ZNF385D: variants seen among roughly 807,000 people sequenced by gnomAD.
The protein encoded by ZNF385D is zinc finger protein 385D.
A neutral mutation model predicts 35.8 loss-of-function variants in ZNF385D; 15 were observed. That is an observed-to-expected ratio of 0.42 (90% CI 0.28 to 0.64). The LOEUF (loss-of-function observed/expected upper bound fraction) is 0.64, where lower values mean the gene tolerates loss of function less well. ZNF385D is among the 30% of genes least tolerant of loss of function. The pLI is 0.23. For synonymous variants in ZNF385D, 212 were observed against 186.8 expected, an observed-to-expected ratio of 1.13 and a Z score of -1.10; for missense variants, 474 against 494.6, an observed-to-expected ratio of 0.96 and a Z score of 0.39.
chr3:22,012,135 T>TA (rs1273885190), intron 3 of ZNF385D, among the ~76,000 whole-genome samples: 20 of 152,166 alleles, frequency 1.3e-4, no homozygotes, highest in African/African-American at 4.8e-4. Flanking sequence ...AATTAGTAAT[T>TA]AGAGTTTTCA....
At chr3:22,192,958 G>C (rs1240148346) in intron 2 of ZNF385D, among the ~76,000 whole-genome samples, 1 of 152,054 alleles carries the variant, frequency 6.6e-6, no homozygotes, top group Non-Finnish European at 1.5e-5. Context: ...AAATAAAACT[G>C]GGTTTTTGAC....
chr3:22,047,833 A>G (rs1699097029), intron 3 of ZNF385D, among the ~76,000 whole-genome samples: 1 of 152,156 alleles, frequency 6.6e-6, no homozygotes, highest in Non-Finnish European at 1.5e-5. Context: ...ACTGTTTTCC[A>G]TAATGGCTGT....
chr3:21,896,820 C>CTTT (rs11410914), intron 3 of ZNF385D, among the ~76,000 whole-genome samples: 1 of 146,976 alleles, frequency 6.8e-6, no homozygotes, highest in Non-Finnish European at 1.5e-5. Flanking sequence ...GTTCTTAATA[C>CTTT]TTTTTTTTTT....
chr3:22,248,516 C>G (rs1264093975), intron 2 of ZNF385D, among the ~76,000 whole-genome samples: 2 of 152,010 alleles, frequency 1.3e-5, no homozygotes, highest in African/African-American at 2.4e-5. Flanking sequence ...TAGACAAAGT[C>G]CATTATGGAG....
chr3:22,049,002 A>G (rs1214253289), intron 3 of ZNF385D, among the ~76,000 whole-genome samples: 2 of 152,066 alleles, frequency 1.3e-5, no homozygotes, highest in Non-Finnish European at 2.9e-5. Context: ...AGTGTATAGA[A>G]ATGCTGTTAA....
intron 3 of ZNF385D, among the ~76,000 whole-genome samples, chr3:21,930,789 C>T (rs1700968001): frequency 6.6e-6 from 1 of 152,044 alleles, no homozygotes; most frequent in African/African-American, 2.4e-5. Context: ...AATTTAGATC[C>T]TTATCTCACA....
At chr3:21,470,813 G>C (rs1703835200) in intron 4 of ZNF385D, among the ~76,000 whole-genome samples, 1 of 151,986 alleles carries the variant, frequency 6.6e-6, no homozygotes, top group Non-Finnish European at 1.5e-5. Flanking sequence ...AGTGTAATTG[G>C]TTTTGAATGA....
intron 4 of ZNF385D, among the ~76,000 whole-genome samples, chr3:21,502,172 T>C (rs1033776603): frequency 3.3e-5 from 5 of 152,134 alleles, no homozygotes; most frequent in Non-Finnish European, 5.9e-5. Flanking sequence ...AGGAACTCAG[T>C]TGTCATTAAG....
chr3:21,843,133 C>T (rs138945333), intron 3 of ZNF385D, among the ~76,000 whole-genome samples: 2,739 of 152,072 alleles, frequency 0.018, 43 homozygotes, highest in Non-Finnish European at 0.029. Flanking sequence ...AGAGAATGTT[C>T]TTGTCTCATT....
chr3:21,915,087 A>G (rs942644776), intron 3 of ZNF385D, among the ~76,000 whole-genome samples: 2 of 151,322 alleles, frequency 1.3e-5, no homozygotes, highest in African/African-American at 4.8e-5. Flanking sequence ...AAAGAGTTGG[A>G]TTTTTTTAAC....
chr3:21,609,009 A>G (rs1261302305), intron 2 of ZNF385D, among the ~76,000 whole-genome samples: 1 of 152,240 alleles, frequency 6.6e-6, no homozygotes, highest in Non-Finnish European at 1.5e-5. Flanking sequence ...TATGAAAATA[A>G]TTGTGCTGTC....
chr3:21,999,833 T>G (rs925182736), intron 3 of ZNF385D, among the ~76,000 whole-genome samples: 7 of 151,670 alleles, frequency 4.6e-5, no homozygotes, highest in Non-Finnish European at 8.8e-5. Flanking sequence ...GTGTGATATA[T>G]GGGACACCAT....
intron 3 of ZNF385D, among the ~76,000 whole-genome samples, chr3:21,530,180 G>T (rs1001991830): frequency 2.0e-5 from 3 of 151,982 alleles, no homozygotes; most frequent in Non-Finnish European, 4.4e-5. Context: ...TGAGCCCCTC[G>T]CCAGAAACAA....
chr3:21,872,078 A>G (rs1697724047), intron 3 of ZNF385D, among the ~76,000 whole-genome samples: 1 of 152,168 alleles, frequency 6.6e-6, no homozygotes, highest in Non-Finnish European at 1.5e-5. Flanking sequence ...CGTATTTTAA[A>G]ATATGGTTTA....
At chr3:21,717,180 T>C (rs1197705067) in intron 1 of ZNF385D, among the ~76,000 whole-genome samples, 2 of 152,142 alleles carry the variant, frequency 1.3e-5, no homozygotes, top group African/African-American at 4.8e-5. Flanking sequence ...GGTTAATAAA[T>C]GTATAAATGG....
chr3:21,528,435 G>A (rs747307578), intron 3 of ZNF385D, among the ~76,000 whole-genome samples: 18 of 152,118 alleles, frequency 1.2e-4, no homozygotes, highest in Non-Finnish European at 2.5e-4. Context: ...TCTGCAACAT[G>A]TCCAGCCCTG....
chr3:21,776,623 T>G (rs956013027), intron 3 of ZNF385D, among the ~76,000 whole-genome samples: 1 of 151,928 alleles, frequency 6.6e-6, no homozygotes, highest in Non-Finnish European at 1.5e-5. Flanking sequence ...CCTAAGGTAC[T>G]TAATGTAATT....
chr3:22,270,813 T>C (rs1352946272), intron 2 of ZNF385D, among the ~76,000 whole-genome samples: 1 of 152,026 alleles, frequency 6.6e-6, no homozygotes, highest in Non-Finnish European at 1.5e-5. Context: ...AATAAATGTA[T>C]TGAACTTACT....
chr3:21,810,453 C>G (rs997218774), intron 3 of ZNF385D, among the ~76,000 whole-genome samples: 15 of 152,078 alleles, frequency 9.9e-5, no homozygotes, highest in Admixed American at 2.6e-4. Context: ...AGCACACCAA[C>G]ATGGCACATG....
Sources: gnomAD v4.1 joint callset for allele counts (sites outside exome capture counted in the v4.1 genomes callset) on GRCh38, gnomAD v4.1.1 for gene constraint, MANE v1.5 for transcripts, NCBI Gene and HGNC (gene_info 2026-07-23, HGNC 2026-07-21) for gene names.